The following CCAR1 variants were observed in gnomAD, a reference collection of about 807,000 sequenced individuals.
CCAR1 encodes cell division cycle and apoptosis regulator protein 1.
Under a neutral mutation model 163.8 loss-of-function variants are expected in CCAR1, and 78 were observed. The observed-to-expected ratio is 0.48, with a 90% CI of 0.40 to 0.57. The LOEUF (loss-of-function observed/expected upper bound fraction) is 0.57. Ranked by LOEUF, CCAR1 falls within the 20% of genes least tolerant of loss-of-function variation. The pLI is 0.00. For missense variants in CCAR1, 1,019 were observed against 1,365.2 expected (o/e 0.75, Z 4.00); for synonymous variants, 443 against 460.7 (o/e 0.96, Z 0.49).
intron 18 of CCAR1, among the ~76,000 whole-genome samples, 196 bp from the exon 19 acceptor site, chr10:68,772,792 T>C (rs2056619247): frequency 6.7e-6 from 1 of 149,588 alleles, no homozygotes; most frequent in East Asian, 1.9e-4. Context: ...TGTAATAATA[T>C]ATAATAATTG....
chr10:68,784,838 A>G (rs1182518246), intron 19 of CCAR1, among the ~76,000 whole-genome samples: 1 of 152,138 alleles, frequency 6.6e-6, no homozygotes, highest in African/African-American at 2.4e-5. Context: ...GTTTTTAGAA[A>G]TAAAGTATCT....
chr10:68,757,664 C>T (rs1344977507), intron 15 of CCAR1, among the ~76,000 whole-genome samples: 1 of 152,110 alleles, frequency 6.6e-6, no homozygotes, highest in Non-Finnish European at 1.5e-5. Context: ...GATCCACCTG[C>T]CTCAGTCTCC....
At chr10:68,746,769 G>A (rs1226662200) in intron 6 of CCAR1, among the ~76,000 whole-genome samples, 5 of 151,720 alleles carry the variant, frequency 3.3e-5, no homozygotes, top group Non-Finnish European at 5.9e-5. Context: ...CTAGAGACAG[G>A]GTTTCACCAT....
intron 19 of CCAR1, among the ~76,000 whole-genome samples, chr10:68,779,707 A>C (rs1429211202): frequency 1.3e-5 from 2 of 152,230 alleles, no homozygotes; most frequent in Non-Finnish European, 2.9e-5. Context: ...GGAAATGTGA[A>C]TTAGCCATAT....
In CCAR1 at chr10:68,749,233, G is replaced by A. The variant is rs139728464; in HGVS notation, c.924G>A (p.Gly308=). 38 of 1,611,870 alleles carry A rather than the reference G, an allele frequency of 2.4e-5. No individual in the cohort carries two copies. The African/African-American group carries it at 4.8e-4, about 20-fold the overall frequency. Residue 308 remains glycine, a synonymous_variant, in exon 9 of 25, where the codon GGG becomes GGA. Transcript: ENST00000265872. ...PSRFSGRNDR[G]DQVPNRKDDR... is the part of the protein sequence containing the mutation. ...GATTTTCAGGAAGAAATGACAGAGG[G>A]GATCAAGTGCCTAACAGAAAAGATG...
At chr10:68,778,265 T>C (rs1220558040) in intron 19 of CCAR1, among the ~76,000 whole-genome samples, 1 of 152,144 alleles carries the variant, frequency 6.6e-6, no homozygotes, top group Non-Finnish European at 1.5e-5. Flanking sequence ...TACAAGACTC[T>C]ACCACGTCAT....
Position 68,756,203 on chromosome 10 carries a change from A to T in CCAR1, c.1626-70A>T. On this transcript the variant is annotated intron_variant, in intron 13 of 24. Transcript: ENST00000265872. The surrounding 1 kb of genome is among the most constrained non-coding windows in gnomAD (Gnocchi z 5.1). ...GCAAAATTTCTTTACTTGATGTGCT[A>T]CAAGTGAACTAGGGTCTTTAAAATG... 1 of 1,258,342 alleles carries T rather than the reference A, an allele frequency of 7.9e-7. No homozygotes were observed. Among genetic ancestry groups the T allele is most frequent in the Non-Finnish European group, 1.1e-6 (1 of 885,180 alleles). The allele number at this position is 1,258,342 out of a possible 1,614,324, so 77.9% of individuals were successfully genotyped here. A position where few individuals can be genotyped will look rare whatever the true frequency, so the allele number is the denominator to read the frequency against.
chr10:68,728,947 G>A (rs1340072583), intron 2 of CCAR1, among the ~76,000 whole-genome samples: 2 of 148,144 alleles, frequency 1.4e-5, no homozygotes, highest in Non-Finnish European at 3.0e-5. Context: ...GCTGGACTCC[G>A]TCCCAGAAAA....
intron 15 of CCAR1, chr10:68,759,285 C>T (rs1302230448): frequency 1.3e-5 from 2 of 152,292 alleles, no homozygotes; most frequent in African/African-American, 4.8e-5. Flanking sequence ...CATAGTGGCA[C>T]ACGCCTGTAG....
chr10:68,760,846 A>G, intron 15 of CCAR1, 161 bp from the exon 16 acceptor site: 1 of 451,194 alleles, frequency 2.2e-6, no homozygotes, highest in Non-Finnish European at 3.9e-6. Context: ...CCTGGGCGAC[A>G]GAGTTTGGCT....
At position 68,736,580 on chromosome 10, in the gene CCAR1, C is replaced by CT. The variant is rs549951758; in HGVS notation, c.74-290dup. Among the ~76,000 whole-genome samples, 218 of 152,190 alleles carry CT rather than the reference C, an allele frequency of 1.4e-3. 3 individuals carry two copies. The East Asian group carries it at 0.026, about 18-fold the overall frequency. ...TCCAAATTTGAGATCATGCAATACT[C>CT]TTTTTTCTGTGCCTGGCTTATTTCA... On this transcript the variant is annotated intron_variant, in intron 2 of 24. Transcript: ENST00000265872.
chr10:68,773,124 T>C, intron 19 of CCAR1, 25 bp downstream of exon 19: 1 of 1,155,254 alleles, frequency 8.7e-7, no homozygotes, highest in African/African-American at 1.6e-5. Context: ...TATTTATTAC[T>C]TCTTAGAGTT....
intron 16 of CCAR1, among the ~76,000 whole-genome samples, chr10:68,762,202 G>A (rs962908115): frequency 1.3e-5 from 2 of 151,926 alleles, no homozygotes; most frequent in Non-Finnish European, 2.9e-5. Context: ...GGTTGCAGGC[G>A]CCTGTAGTCC....
intron 19 of CCAR1, among the ~76,000 whole-genome samples, chr10:68,776,393 C>T (rs2056667773): frequency 6.6e-6 from 1 of 151,798 alleles, no homozygotes; most frequent in African/African-American, 2.4e-5. Flanking sequence ...TTGAAAACCC[C>T]ACCTCTAGTA....
chr10:68,782,761 A>G (rs1247858505), intron 19 of CCAR1, among the ~76,000 whole-genome samples: 2 of 152,208 alleles, frequency 1.3e-5, no homozygotes, highest in African/African-American at 4.8e-5. Flanking sequence ...AATTGTTTAC[A>G]GCAATGCTTT....
At chr10:68,745,153 C>T (rs1284939279) in intron 6 of CCAR1, among the ~76,000 whole-genome samples, 2 of 151,884 alleles carry the variant, frequency 1.3e-5, no homozygotes, top group African/African-American at 2.4e-5. Context: ...TTACAGGCGC[C>T]TGCCACCACA....
At chr10:68,789,570 A>G (rs1195989305) in intron 23 of CCAR1, 140 bp from the exon 24 acceptor site, 5 of 604,418 alleles carry the variant, frequency 8.3e-6, no homozygotes, top group Non-Finnish European at 1.5e-5. Flanking sequence ...AGTGTGCTTT[A>G]TGACTAATGA....
intron 2 of CCAR1, among the ~76,000 whole-genome samples, chr10:68,725,397 C>A (rs1589150585): frequency 6.6e-6 from 1 of 151,036 alleles, no homozygotes. Flanking sequence ...GACTCCAGCT[C>A]AAAAAAAATA....
Position 68,752,933 on chromosome 10 carries a change from TAGATA to T in CCAR1, c.1119-918_1119-914del, listed in dbSNP as rs1564538878. Among the ~76,000 whole-genome samples the T allele has an allele frequency of 1.7e-3, 249 of 146,402 alleles. 1 individual carries two copies. The highest frequency in any genetic ancestry group is 5.9e-3 in the African/African-American group (217 of 37,068). ...ATAGATAGATAGATAGATAGATAGA[TAGATA>T]GATTCTGTCTGTAGATAGAATAGAT... is the stretch of plus-strand genomic sequence containing the variant. On this transcript the variant is annotated intron_variant, in intron 10 of 24. Transcript: ENST00000265872.
Sources: allele counts gnomAD v4.1 joint callset (sites outside exome capture counted in the v4.1 genomes callset), GRCh38; gene constraint gnomAD v4.1.1; non-coding constraint Gnocchi (gnomAD v3.1); transcripts MANE v1.5; gene names NCBI Gene and HGNC (gene_info 2026-07-23, HGNC 2026-07-21).